Variants in CHRD observed in about 807,000 individuals in gnomAD.
The protein encoded by CHRD is chordin.
In CHRD, 69 loss-of-function variants were observed where a neutral mutation model predicts 113.7. The ratio of observed to expected loss-of-function variants is 0.61; its 90% CI spans 0.50 to 0.74. The LOEUF is 0.74. CHRD is among the 30% of genes least tolerant of loss of function. CHRD has a pLI of 0.00. For synonymous variants in CHRD, 561 were observed against 540.8 expected (o/e 1.04, Z -0.52); for missense variants, 1,194 against 1,295.8 (o/e 0.92, Z 1.21).
exon 16 of CHRD, chr3:184,386,556 T>C (rs766129822): frequency 1.3e-6 from 2 of 1,526,328 alleles, no homozygotes; most frequent in South Asian, 1.3e-5. Flanking sequence ...GCCGAGGGGG[T>C]GCGGGCGCTG....
Position 184,381,947 on chromosome 3 carries a change from C to T in CHRD, c.626C>T (p.Thr209Ile). Residue 209 changes from threonine (T) to isoleucine (I), a missense_variant, in exon 6 of 23, where the codon ACC becomes ATC. Transcript: ENST00000204604. The surrounding 1 kb of genome is among the most constrained non-coding windows in gnomAD (Gnocchi z 4.7). ...CTCATTCCCAGGCTGGACCGCCCTA[C>T]CAGGATCCGCTTCTCAGACTCCAAT... is the stretch of plus-strand genomic sequence containing the variant. The T allele has an allele frequency of 6.2e-7, 1 of 1,614,176 alleles. No homozygotes were observed. The highest frequency in any genetic ancestry group is 8.5e-7 in the Non-Finnish European group (1 of 1,180,036).
At chr3:184,386,223 G>A (rs1716256082) in intron 15 of CHRD, 64 bp downstream of exon 15, 7 of 1,515,038 alleles carry the variant, frequency 4.6e-6, no homozygotes, top group African/African-American at 1.4e-5. Context: ...GGCACTGTGT[G>A]CCATTGCACT....
Position 184,387,240 on chromosome 3 carries a change from A to G in CHRD, c.2347+133A>G. ...CAGATTCCAAGTGATGCCTGACAGGACTCATTAGTGTTACTGGCCCCCAGG... is the reference window on the plus strand; with the variant it reads ...CAGATTCCAAGTGATGCCTGACAGGGCTCATTAGTGTTACTGGCCCCCAGG... On this transcript the variant is annotated intron_variant, in intron 18 of 22. Coordinates refer to ENST00000204604, the Ensembl canonical transcript of CHRD. This position sits in a 1 kb window ranked among gnomAD's most constrained non-coding sequence, Gnocchi z 6.1. The G allele has an allele frequency of 3.2e-6, 4 of 1,259,136 alleles. No homozygotes were observed. Among genetic ancestry groups the G allele is most frequent in the Non-Finnish European group, 4.5e-6 (4 of 881,948 alleles). 78.0% of individuals were successfully genotyped at this position (1,259,136 alleles called of 1,614,324 possible). A position where few individuals can be genotyped will look rare whatever the true frequency, so the allele number is the denominator to read the frequency against.
At chr3:184,383,773 G>GA in intron 12 of CHRD, 131 bp downstream of exon 12, 53 of 646,766 alleles carry the variant, frequency 8.2e-5, no homozygotes, top group Middle Eastern at 4.8e-4. Context: ...TTATTCATTT[G>GA]ACTTTTTTTT....
Position 184,382,747 on chromosome 3 carries a change from C to T in CHRD, c.955C>T (p.Arg319Ter), listed in dbSNP as rs776802461. 4 of 1,613,988 alleles carry T rather than the reference C, an allele frequency of 2.5e-6. No individual in the cohort carries two copies. The highest frequency in any genetic ancestry group is 1.7e-5 in the Admixed American group (1 of 60,010). ...CTCCTTGCATTTTTTGCTGCTCTTCCGAGGGCTGCTGGAACCCAGGAGTGG... is the reference window on the plus strand; with the variant it reads ...CTCCTTGCATTTTTTGCTGCTCTTCTGAGGGCTGCTGGAACCCAGGAGTGG... The change falls in exon 8 of 23, where the codon CGA (arginine) becomes TGA (stop). Residue 319 changes from arginine to a stop codon, truncating the protein, a stop_gained. Transcript: ENST00000204604. LOFTEE classifies it high-confidence loss of function.
rs1455560381 is a variant in CHRD at position 184,380,444 on chromosome 3, G to A, written c.126G>A (p.Pro42=). Residue 42 remains proline (P), a synonymous_variant, in exon 1 of 23, where the codon CCG becomes CCA. Coordinates refer to ENST00000204604, the Ensembl canonical transcript of CHRD. This position sits in a 1 kb window ranked among gnomAD's most constrained non-coding sequence, Gnocchi z 6.3. ...TGCCCATCCGTTCTGAGAAGGAGCC[G>A]CTGCCCGTTCGGGGAGCGGCAGGTA... 8.0e-7 allele frequency: 1 copy of A among 1,244,926 alleles called. No individual in the cohort carries two copies. The highest frequency in any genetic ancestry group is 1.0e-6 in the Non-Finnish European group (1 of 989,954). 77.1% of individuals were successfully genotyped at this position (1,244,926 alleles called of 1,614,324 possible).
In CHRD at chr3:184,380,433, GAGA is replaced by G. The variant is rs1485789861; in HGVS notation, c.118_120del (p.Lys40del). On this transcript the variant is annotated inframe_deletion, in exon 1 of 23. Transcript: ENST00000204604. The surrounding 1 kb of genome is among the most constrained non-coding windows in gnomAD (Gnocchi z 6.3). ...GCCCCCCGTGCTGCCCATCCGTTCTGAGAAGGAGCCGCTGCCCGTTCGGGGAGC... is the reference window on the plus strand; with the variant it reads ...GCCCCCCGTGCTGCCCATCCGTTCTGAGGAGCCGCTGCCCGTTCGGGGAGC... The G allele has an allele frequency of 2.3e-6, 3 of 1,289,116 alleles. No homozygotes were observed. The highest frequency in any genetic ancestry group is 3.0e-6 in the Non-Finnish European group (3 of 1,013,278). The allele number at this position is 1,289,116 out of a possible 1,614,324, so 79.9% of individuals were successfully genotyped here.
chr3:184,385,325 G>A, intron 14 of CHRD, 87 bp downstream of exon 14: 1 of 965,730 alleles, frequency 1.0e-6, no homozygotes, highest in South Asian at 1.4e-5. Flanking sequence ...GGAAAGCAGA[G>A]AGCAGGCAGC....
Position 184,380,944 on chromosome 3 carries a change from T to C in CHRD, c.252+149T>C. The C allele has an allele frequency of 1.3e-6, 1 of 758,842 alleles. No individual in the cohort carries two copies. The highest frequency in any genetic ancestry group is 2.3e-6 in the Non-Finnish European group (1 of 439,562). 47.0% of individuals were successfully genotyped at this position (758,842 alleles called of 1,614,324 possible). A position where few individuals can be genotyped will look rare whatever the true frequency, so the allele number is the denominator to read the frequency against. ...TGGTGGAGGAAGGGGAATCAGCCCC[T>C]CCAATTCTTAGGTGCTGTTACTGAT... On this transcript the variant is annotated intron_variant, in intron 2 of 22. Transcript: ENST00000204604. This position sits in a 1 kb window ranked among gnomAD's most constrained non-coding sequence, Gnocchi z 6.3.
Position 184,380,599 on chromosome 3 carries a change from C to G in CHRD, c.149-93C>G. 8.8e-7 allele frequency: 1 copy of G among 1,139,428 alleles called. No individual in the cohort carries two copies. 70.6% of individuals were successfully genotyped at this position (1,139,428 alleles called of 1,614,324 possible). A position where few individuals can be genotyped will look rare whatever the true frequency, so the allele number is the denominator to read the frequency against. On this transcript the variant is annotated intron_variant, in intron 1 of 22. Transcript: ENST00000204604. This position sits in a 1 kb window ranked among gnomAD's most constrained non-coding sequence, Gnocchi z 6.3. The stretch of plus-strand genomic sequence containing the variant: ...CGGAGGGTGGGCGGGGGCAGAAGGG[C>G]GCGGTGCCTGGGACCCGGGACCCGC...
In CHRD at chr3:184,380,322, C is replaced by G; in HGVS notation, c.4C>G (p.Pro2Ala). The change falls in exon 1 of 23, where the codon CCG becomes GCG. Residue 2 changes from proline (P) to alanine (A), a missense_variant. Pro to Ala is a conservative substitution (Grantham distance 27). Transcript: ENST00000204604. This position sits in a 1 kb window ranked among gnomAD's most constrained non-coding sequence, Gnocchi z 6.3. The stretch of plus-strand genomic sequence containing the variant: ...CCCCAGCTGTCCCGTTCGCGTCATG[C>G]CGAGCCTCCCGGCCCCGCCGGCCCC... 7.6e-7 allele frequency: 1 copy of G among 1,309,254 alleles called. No homozygotes were observed. Among genetic ancestry groups the G allele is most frequent in the South Asian group, 1.5e-5 (1 of 65,230 alleles). 81.1% of individuals were successfully genotyped at this position (1,309,254 alleles called of 1,614,324 possible).
At position 184,388,623 on chromosome 3, in the gene CHRD, T is replaced by G. The variant is rs1716753875; in HGVS notation, c.2591T>G (p.Met864Arg). 1 of 1,613,054 alleles carries G rather than the reference T, an allele frequency of 6.2e-7. No homozygotes were observed. The highest frequency in any genetic ancestry group is 8.5e-7 in the Non-Finnish European group (1 of 1,180,000). ...GCCCACCCCCAGCTGGGGGACCCCA[T>G]GCAGGCTGATGGGCCCCGGGGCTGC... is the stretch of plus-strand genomic sequence containing the variant. Residue 864 changes from methionine (M) to arginine (R), a missense_variant, in exon 21 of 23, where the codon ATG becomes AGG. Met to Arg is a moderately conservative substitution (Grantham distance 91, BLOSUM62 -1). Transcript: ENST00000204604. The surrounding 1 kb of genome is among the most constrained non-coding windows in gnomAD (Gnocchi z 6.1).
chr3:184,386,593 G>T (rs777168215), exon 16 of CHRD: 1 of 1,597,292 alleles, frequency 6.3e-7, no homozygotes, highest in Non-Finnish European at 8.5e-7. Context: ...CCTCTGCTGC[G>T]CCGCCTGTGG....
rs1393560532 is a variant in CHRD at position 184,380,155 on chromosome 3, C to G, written c.-164C>G. On this transcript the variant is annotated 5_prime_UTR_variant, in exon 1 of 23. Transcript: ENST00000204604. The surrounding 1 kb of genome is among the most constrained non-coding windows in gnomAD (Gnocchi z 6.3). ...GCCCGGCGCCGACTCTGCGGCCGCC[C>G]GACGAGCCCCTCGCGGCACTGCCCC... The G allele has an allele frequency of 6.6e-6, 1 of 151,522 alleles. No homozygotes were observed. Among genetic ancestry groups the G allele is most frequent in the Non-Finnish European group, 1.4e-5 (1 of 73,168 alleles). The allele number at this position is 151,522 out of a possible 1,614,324, so 9.4% of individuals were successfully genotyped here.
At chr3:184,386,333 C>T in intron 15 of CHRD, 159 bp from the exon 16 acceptor site, 1 of 1,264,268 alleles carries the variant, frequency 7.9e-7, no homozygotes. Context: ...AGCCCGGCAC[C>T]CTATCCCTGG....
At position 184,381,532 on chromosome 3, in the gene CHRD, CCTT is replaced by C. The variant is rs746244283; in HGVS notation, c.421_423del (p.Phe141del). ...TCGGAGCGGCAGCCGAGCGGCCTGT[CCTT>C]CGAGTATCCGCGGGACCCGGAGCAT... On this transcript the variant is annotated inframe_deletion, in exon 4 of 23. Transcript: ENST00000204604. The surrounding 1 kb of genome is among the most constrained non-coding windows in gnomAD (Gnocchi z 4.7). 17 of 1,606,516 alleles carry C rather than the reference CCTT, an allele frequency of 1.1e-5. No homozygotes were observed. In the African/African-American group the frequency reaches 2.1e-4, roughly 20 times the overall value.
At position 184,388,072 on chromosome 3, in the gene CHRD, G is replaced by A. The variant is rs757538543; in HGVS notation, c.2554+39G>A. 1 of 1,573,196 alleles carries A rather than the reference G, an allele frequency of 6.4e-7. No homozygotes were observed. Among genetic ancestry groups the A allele is most frequent in the South Asian group, 1.1e-5 (1 of 88,044 alleles). On this transcript the variant is annotated intron_variant, in intron 20 of 22. Transcript: ENST00000204604. This position sits in a 1 kb window ranked among gnomAD's most constrained non-coding sequence, Gnocchi z 6.1. ...CTGAGCACTGAGGCCTCACCTTTGG[G>A]TTGAGGCAGGCTTTGTCCTGGGTGA... is the stretch of plus-strand genomic sequence containing the variant.
chr3:184,386,107 C>T lies in CHRD; in HGVS notation c.1880C>T (p.Ala627Val), dbSNP rs753551642. ...CTGCGGCACCTGGCAAAAGGCATGG[C>T]CTCCCTGATGATCACCACCAAGGGT... Residue 627 changes from alanine (A) to valine (V), a missense_variant, in exon 15 of 23, where the codon GCC becomes GTC. Physicochemically the swap from Ala to Val is moderately conservative, Grantham distance 64. Coordinates refer to ENST00000204604, the Ensembl canonical transcript of CHRD. 60 of 1,614,092 alleles carry T rather than the reference C, an allele frequency of 3.7e-5. No homozygotes were observed. The Middle Eastern group carries it at 6.6e-4, about 18-fold the overall frequency.
At position 184,380,741 on chromosome 3, in the gene CHRD, G is replaced by T. The variant is rs762749709; in HGVS notation, c.198G>T (p.Pro66=). The T allele has an allele frequency of 6.3e-7, 1 of 1,599,566 alleles. No homozygotes were observed. Among genetic ancestry groups the T allele is most frequent in the South Asian group, 1.1e-5 (1 of 90,172 alleles). The stretch of plus-strand genomic sequence containing the variant: ...ATGCCTTGGACGAGACGTGGCACCC[G>T]GACCTAGGGGAGCCATTCGGGGTGA... Residue 66 remains proline, a synonymous_variant, in exon 2 of 23, where the codon CCG becomes CCT. Coordinates refer to ENST00000204604, the Ensembl canonical transcript of CHRD. The surrounding 1 kb of genome is among the most constrained non-coding windows in gnomAD (Gnocchi z 6.3).
Sources: gnomAD v4.1 joint callset for allele counts on GRCh38, gnomAD v4.1.1 for gene constraint, Gnocchi (gnomAD v3.1) non-coding constraint, MANE v1.5 for transcripts, NCBI Gene and HGNC (gene_info 2026-07-23, HGNC 2026-07-21) for gene names.